ARHGAP32: variants seen among roughly 807,000 people sequenced by gnomAD.
ARHGAP32 encodes the protein Rho GTPase activating protein 32.
A neutral mutation model predicts 186.5 loss-of-function variants in ARHGAP32; 51 were observed. The ratio of observed to expected loss-of-function variants is 0.27; its 90% CI spans 0.22 to 0.35. ARHGAP32 has a LOEUF of 0.35. Among genes scored for constraint, ARHGAP32 ranks in the 10% least tolerant of loss-of-function variants. ARHGAP32 has a pLI of 1.00. For synonymous variants in ARHGAP32, 950 were observed against 964.3 expected, an observed-to-expected ratio of 0.99 and a Z score of 0.27; for missense variants, 2,186 against 2,623.5, an observed-to-expected ratio of 0.83 and a Z score of 3.64.
At chr11:129,071,478 T>G (rs1001734884) in intron 6 of ARHGAP32, among the ~76,000 whole-genome samples, 1 of 152,028 alleles carries the variant, frequency 6.6e-6, no homozygotes, top group Non-Finnish European at 1.5e-5. Flanking sequence ...CACTAGTCAT[T>G]AGGCAAGTGC....
At chr11:129,231,215 C>A (rs1347700741) in intron 1 of ARHGAP32, among the ~76,000 whole-genome samples, 4 of 152,136 alleles carry the variant, frequency 2.6e-5, no homozygotes, top group Non-Finnish European at 5.9e-5. Flanking sequence ...CAAATATTTA[C>A]TGTTTGTTAT....
intron 5 of ARHGAP32, among the ~76,000 whole-genome samples, chr11:129,111,838 C>T (rs1324906188): frequency 6.6e-6 from 1 of 152,074 alleles, no homozygotes; most frequent in Admixed American, 6.5e-5. Context: ...CTCAGCTCAC[C>T]ACCAACTTCC....
intron 1 of ARHGAP32, among the ~76,000 whole-genome samples, chr11:129,205,993 G>A (rs1442141854): frequency 6.6e-6 from 1 of 151,820 alleles, no homozygotes; most frequent in Non-Finnish European, 1.5e-5. Flanking sequence ...CAATTAACAA[G>A]GGCAAATCTC....
At chr11:129,265,984 A>G (rs916271840) in intron 1 of ARHGAP32, among the ~76,000 whole-genome samples, 2 of 152,194 alleles carry the variant, frequency 1.3e-5, no homozygotes, top group Non-Finnish European at 2.9e-5. Context: ...AATTCTGTTT[A>G]GTAGGGATTA....
chr11:129,239,334 A>T (rs1363416426), intron 1 of ARHGAP32, among the ~76,000 whole-genome samples: 1 of 152,128 alleles, frequency 6.6e-6, no homozygotes, highest in East Asian at 1.9e-4. Context: ...CTGCAGCATA[A>T]TCTCATTTAT....
chr11:129,151,442 G>C (rs943929188), intron 2 of ARHGAP32, among the ~76,000 whole-genome samples: 1 of 151,980 alleles, frequency 6.6e-6, no homozygotes, highest in East Asian at 1.9e-4. Context: ...TCAGTACATG[G>C]AACATTCTCC....
At chr11:129,108,877 G>A (rs1225578775) in intron 5 of ARHGAP32, among the ~76,000 whole-genome samples, 2 of 151,932 alleles carry the variant, frequency 1.3e-5, no homozygotes, top group Non-Finnish European at 2.9e-5. Flanking sequence ...AGGGTATTTG[G>A]GGTTTCCATC....
intron 6 of ARHGAP32, among the ~76,000 whole-genome samples, chr11:129,082,728 CA>C (rs1415994112): frequency 1.3e-5 from 2 of 151,712 alleles, no homozygotes; most frequent in East Asian, 3.9e-4. Flanking sequence ...GCAAATGAAA[CA>C]AAAACAAAGA....
chr11:129,131,410 GAAT>G (rs1435542916), intron 2 of ARHGAP32, among the ~76,000 whole-genome samples: 2 of 151,864 alleles, frequency 1.3e-5, no homozygotes, highest in Non-Finnish European at 2.9e-5. Flanking sequence ...AGAAATGAGA[GAAT>G]AATAATATTC....
intron 1 of ARHGAP32, among the ~76,000 whole-genome samples, chr11:129,249,564 GTAGACTCATTTTCTACCACA>G (rs1945151208): frequency 6.6e-6 from 1 of 152,142 alleles, no homozygotes; most frequent in African/African-American, 2.4e-5. Context: ...GTTTCCCAAA[GTAGACTCATTTTCTACCACA>G]TGAAAATCTA....
chr11:129,231,245 G>C (rs1364565773), intron 1 of ARHGAP32, among the ~76,000 whole-genome samples: 7 of 152,106 alleles, frequency 4.6e-5, no homozygotes, highest in Admixed American at 2.0e-4. Flanking sequence ...TTTCTATTGA[G>C]ACATCCTGCC....
At chr11:129,049,793 G>A in intron 10 of ARHGAP32, among the ~76,000 whole-genome samples, 1 of 152,030 alleles carries the variant, frequency 6.6e-6, no homozygotes, top group East Asian at 1.9e-4. Context: ...CAGATATTAG[G>A]GTCGTTTCCA....
chr11:129,193,309 G>T (rs1246224849), upstream of ARHGAP32, among the ~76,000 whole-genome samples: 11 of 3,428 alleles, frequency 3.2e-3, no homozygotes, highest in Non-Finnish European at 0.016. Context: ...TCATCTTTAT[G>T]GGGGGGGGGG....
intron 1 of ARHGAP32, among the ~76,000 whole-genome samples, chr11:129,205,728 T>C (rs1318756454): frequency 6.6e-6 from 1 of 152,190 alleles, no homozygotes; most frequent in East Asian, 1.9e-4. Context: ...TTGGATCTAC[T>C]AAAATGTTTA....
rs758702440 is a variant in ARHGAP32 at position 128,968,946 on chromosome 11, C to A, written c.6267G>T (p.Leu2089Phe). Residue 2089 changes from leucine to phenylalanine, a missense_variant, in exon 23 of 23, where the codon TTG (leucine) becomes TTT (phenylalanine). By Grantham distance (22) the Leu-to-Phe change is conservative (BLOSUM62 0). Coordinates refer to ENST00000682385, the MANE Select transcript of ARHGAP32 (RefSeq NM_001378024.1). ...TCTGTGTTTCAGGATGCTGCAAGGACAACTCTGCGGGCAGGAAGGCCCCTT... is the reference window on the plus strand; with the variant it reads ...TCTGTGTTTCAGGATGCTGCAAGGAAAACTCTGCGGGCAGGAAGGCCCCTT... ...LGQGAFLPAE[L>F]SLQHPETQIH... The A allele has an allele frequency of 1.3e-6, 2 of 1,554,682 alleles. No individual in the cohort carries two copies. The highest frequency in any genetic ancestry group is 1.7e-6 in the Non-Finnish European group (2 of 1,146,172).
chr11:128,969,074 G>C lies in ARHGAP32; in HGVS notation c.6139C>G (p.Pro2047Ala). The C allele has an allele frequency of 6.2e-7, 1 of 1,610,806 alleles. No individual in the cohort carries two copies. The highest frequency in any genetic ancestry group is 2.2e-5 in the East Asian group (1 of 44,796). The change falls in exon 23 of 23, where the codon CCT becomes GCT. Residue 2047 changes from proline to alanine, a missense_variant. Pro to Ala is a conservative substitution (Grantham distance 27). Transcript: ENST00000682385. This position sits in a 1 kb window ranked among gnomAD's most constrained non-coding sequence, Gnocchi z 4.8. Reference sequence around the variant, plus strand: ...CCAAAGACTCCTCGCTGGTGCTGAGGCAGGGAGTGGTAATCTTCCAGGTTA... The same window carrying C: ...CCAAAGACTCCTCGCTGGTGCTGAGCCAGGGAGTGGTAATCTTCCAGGTTA... ...YDNLEDYHSL[P>A]QHQRGVFGGG...
chr11:129,033,441 T>C (rs1939196895), intron 11 of ARHGAP32, among the ~76,000 whole-genome samples: 1 of 152,196 alleles, frequency 6.6e-6, no homozygotes, highest in African/African-American at 2.4e-5. Context: ...TTTTAATTAT[T>C]CTGGTTAAGT....
intron 11 of ARHGAP32, among the ~76,000 whole-genome samples, chr11:129,006,831 G>T (rs1591525602): frequency 6.6e-6 from 1 of 152,222 alleles, no homozygotes; most frequent in Non-Finnish European, 1.5e-5. Flanking sequence ...GTTCCCCCAG[G>T]CCCTAGGTGG....
chr11:129,191,317 A>ACT (rs371065057), intron 1 of ARHGAP32, among the ~76,000 whole-genome samples: 3 of 151,994 alleles, frequency 2.0e-5, no homozygotes, highest in Admixed American at 6.6e-5. Flanking sequence ...TTACATCGCT[A>ACT]ACTCTGAAAG....
Sources: gnomAD v4.1 joint callset for allele counts (sites outside exome capture counted in the v4.1 genomes callset) on GRCh38, gnomAD v4.1.1 for gene constraint, Gnocchi (gnomAD v3.1) non-coding constraint, MANE v1.5 for transcripts, NCBI Gene and HGNC (gene_info 2026-07-23, HGNC 2026-07-21) for gene names.